The following BLOC1S5 variants were observed in gnomAD, a reference collection of about 807,000 sequenced individuals.
BLOC1S5 encodes the protein biogenesis of lysosomal organelles complex 1 subunit 5, also known as biogenesis of lysosome-related organelles complex 1 subunit 5.
In BLOC1S5, 27 loss-of-function variants were observed where a neutral mutation model predicts 24.3. The observed-to-expected ratio is 1.11, with a 90% CI of 0.82 to 1.53. BLOC1S5 has a LOEUF of 1.53. Ranked by LOEUF, BLOC1S5 falls within the 40% of genes most tolerant of loss-of-function variation. The pLI is 0.00. For synonymous variants in BLOC1S5, 84 were observed against 74.5 expected, an observed-to-expected ratio of 1.13 and a Z score of -0.66; for missense variants, 239 against 229.4, an observed-to-expected ratio of 1.04 and a Z score of -0.27.
At chr6:8,038,858 C>T (rs1278531964) in intron 3 of BLOC1S5, among the ~76,000 whole-genome samples, 1 of 152,160 alleles carries the variant, frequency 6.6e-6, no homozygotes, top group Admixed American at 6.5e-5. Flanking sequence ...CTCTCGTATA[C>T]TATTGGTCAG....
At chr6:8,063,839 C>T (rs1757346913) in intron 1 of BLOC1S5, among the ~76,000 whole-genome samples, 1 of 152,208 alleles carries the variant, frequency 6.6e-6, no homozygotes, top group African/African-American at 2.4e-5. Context: ...ATCTCACTTA[C>T]TCCTCGCACG....
intron 3 of BLOC1S5, among the ~76,000 whole-genome samples, chr6:8,034,450 A>C (rs1763417582): frequency 6.6e-6 from 1 of 152,146 alleles, no homozygotes; most frequent in Non-Finnish European, 1.5e-5. Context: ...GACACAGGGC[A>C]GGGAACATCA....
intron 2 of BLOC1S5, among the ~76,000 whole-genome samples, chr6:8,047,564 A>G (rs927559952): frequency 1.3e-5 from 2 of 152,154 alleles, no homozygotes; most frequent in African/African-American, 4.8e-5. Context: ...CAATTGATTA[A>G]TATGTTTCTT....
chr6:8,058,781 C>T (rs185927294), intron 2 of BLOC1S5, among the ~76,000 whole-genome samples: 7 of 152,288 alleles, frequency 4.6e-5, no homozygotes, highest in East Asian at 3.9e-4. Context: ...AAAAAGCTGA[C>T]GTTATAGGGC....
intron 2 of BLOC1S5, among the ~76,000 whole-genome samples, chr6:8,043,768 G>A (rs9688711): frequency 0.039 from 5,949 of 152,258 alleles, 369 homozygotes; most frequent in African/African-American, 0.13. Context: ...AATTGGGTGA[G>A]GTGTTGATAT....
At chr6:8,049,602 C>T (rs192315704) in intron 2 of BLOC1S5, among the ~76,000 whole-genome samples, 23 of 152,276 alleles carry the variant, frequency 1.5e-4, no homozygotes, top group Middle Eastern at 6.8e-3. Flanking sequence ...TGCACCCTAT[C>T]TCCTCCATAG....
At chr6:8,051,013 C>A (rs368024070) in intron 2 of BLOC1S5, among the ~76,000 whole-genome samples, 1 of 151,812 alleles carries the variant, frequency 6.6e-6, no homozygotes, top group Non-Finnish European at 1.5e-5. Flanking sequence ...CATGGTGAAA[C>A]CCTGTCTCTA....
At chr6:8,064,193 G>A in intron 1 of BLOC1S5, 72 bp downstream of exon 1, 1 of 1,356,168 alleles carries the variant, frequency 7.4e-7, no homozygotes, top group Admixed American at 2.9e-5. Context: ...GTCGGCCCGG[G>A]TCAGAGGGCG....
chr6:8,059,114 T>C lies in BLOC1S5; in HGVS notation c.195+3420A>G, dbSNP rs1764428875. 2.0e-5 allele frequency among the ~76,000 whole-genome samples: 3 copies of C among 152,318 alleles called. No individual in the cohort carries two copies. In the South Asian group the frequency reaches 6.2e-4, roughly 32 times the overall value. ...AGAAAGACAGTGGCACAGAGGACAA[T>C]GCCTTTACCCACTGATACTATTACA... On this transcript the variant is annotated intron_variant, in intron 2 of 4. Transcript: ENST00000397457.
chr6:8,048,162 C>T (rs1763969520), intron 2 of BLOC1S5, among the ~76,000 whole-genome samples: 2 of 152,120 alleles, frequency 1.3e-5, no homozygotes, highest in African/African-American at 4.8e-5. Flanking sequence ...TCAGATTATC[C>T]CAGCTTTGTC....
Position 8,018,557 on chromosome 6 carries a change from T to C in BLOC1S5, c.385-2729A>G, listed in dbSNP as rs117930409. On this transcript the variant is annotated intron_variant, in intron 4 of 4. Coordinates refer to ENST00000397457, the MANE Select transcript of BLOC1S5 (RefSeq NM_201280.3). ...CAGCCCAATAAAGAAAAACGGAGCT[T>C]TGGCAGGCATACCAACCTCGCTTCA... Among the ~76,000 whole-genome samples, 64 of 152,306 alleles carry C rather than the reference T, an allele frequency of 4.2e-4. No homozygotes were observed. The East Asian group carries it at 9.7e-3, about 23-fold the overall frequency.
At chr6:8,047,500 G>GT (rs1763947286) in intron 2 of BLOC1S5, among the ~76,000 whole-genome samples, 1 of 152,092 alleles carries the variant, frequency 6.6e-6, no homozygotes, top group Non-Finnish European at 1.5e-5. Flanking sequence ...TCCTATAAAT[G>GT]TTTTTTATCC....
At chr6:8,026,328 G>T in intron 4 of BLOC1S5, 39 bp downstream of exon 4, 1 of 1,474,656 alleles carries the variant, frequency 6.8e-7, no homozygotes, top group Non-Finnish European at 9.5e-7. Context: ...TAATAAAGAT[G>T]CAAGAATTAT....
intron 2 of BLOC1S5, among the ~76,000 whole-genome samples, chr6:8,051,302 T>C (rs1764099181): frequency 6.6e-6 from 1 of 152,130 alleles, no homozygotes; most frequent in Non-Finnish European, 1.5e-5. Context: ...AGCCACAACA[T>C]TTTCTTAAGC....
chr6:8,058,900 T>C (rs1308513241), intron 2 of BLOC1S5, among the ~76,000 whole-genome samples: 1 of 152,252 alleles, frequency 6.6e-6, no homozygotes, highest in Non-Finnish European at 1.5e-5. Context: ...ACTAAACACA[T>C]TCCTTACTGA....
rs371978635 is a variant in BLOC1S5 at position 8,030,717 on chromosome 6, GA to G, written c.326-4293del. Among the ~76,000 whole-genome samples the G allele has an allele frequency of 6.7e-4, 101 of 151,464 alleles. 1 individual carries two copies. The East Asian group carries it at 0.019, about 28-fold the overall frequency. On this transcript the variant is annotated intron_variant, in intron 3 of 4. Transcript: ENST00000397457. ...TGAAACCCCCTTTCTACTAAAAATAGAAAAATTAGCTGGGTATTGTGGCAGG... is the reference window on the plus strand; with the variant it reads ...TGAAACCCCCTTTCTACTAAAAATAGAAAATTAGCTGGGTATTGTGGCAGG...
chr6:8,017,565 A>G (rs1762787344), intron 4 of BLOC1S5, among the ~76,000 whole-genome samples: 2 of 152,256 alleles, frequency 1.3e-5, no homozygotes. Context: ...GCTGTTCATC[A>G]CGTTCTTCCT....
In BLOC1S5 at chr6:8,014,646, T is replaced by C. The variant is rs1230632238; in HGVS notation, c.*1003A>G. 6.6e-6 allele frequency: 1 copy of C among 152,174 alleles called. No individual in the cohort carries two copies. The highest frequency in any genetic ancestry group is 1.9e-4 in the East Asian group (1 of 5,196). The allele number at this position is 152,174 out of a possible 1,614,324, so 9.4% of individuals were successfully genotyped here. A position where few individuals can be genotyped will look rare whatever the true frequency, so the allele number is the denominator to read the frequency against. ...AGAACTGGTACATGTTTCATCATAA[T>C]ATACCTGCTTATGAGAACAGACATT... On this transcript the variant is annotated 3_prime_UTR_variant, in exon 5 of 5. Transcript: ENST00000397457.
intron 4 of BLOC1S5, among the ~76,000 whole-genome samples, chr6:8,019,607 AGG>A (rs34841856): frequency 0.056 from 8,146 of 145,778 alleles, 722 homozygotes; most frequent in African/African-American, 0.19. Flanking sequence ...TAAAGAAAAA[AGG>A]GGGGGGGGGC....
Sources: allele counts gnomAD v4.1 joint callset (sites outside exome capture counted in the v4.1 genomes callset), GRCh38; gene constraint gnomAD v4.1.1; transcripts MANE v1.5; gene names NCBI Gene and HGNC (gene_info 2026-07-23, HGNC 2026-07-21).